TMEM150A: variants seen among roughly 807,000 people sequenced by gnomAD.
TMEM150A encodes fasting-inducible integral membrane protein TM6P1.
Under a neutral mutation model 29.8 loss-of-function variants are expected in TMEM150A, and 18 were observed. That is an observed-to-expected ratio of 0.60 (90% CI 0.42 to 0.90). The LOEUF (loss-of-function observed/expected upper bound fraction) is 0.90. Among genes scored for constraint, TMEM150A ranks in the 40% least tolerant of loss-of-function variants. TMEM150A has a pLI of 0.00. For missense variants in TMEM150A, 251 were observed against 349.7 expected (o/e 0.72, Z 2.25); for synonymous variants, 127 against 143.6 (o/e 0.88, Z 0.83).
chr2:85,600,558 T>C (rs1489564418), intron 4 of TMEM150A, 146 bp from the exon 5 acceptor site: 3 of 652,682 alleles, frequency 4.6e-6, no homozygotes, highest in African/African-American at 1.8e-5. Flanking sequence ...GGGTCCCTCA[T>C]GAACAACTGG....
At position 85,598,569 on chromosome 2, in the gene TMEM150A, A is replaced by AT. The variant is rs1672747965; in HGVS notation, c.*506dup. The AT allele has an allele frequency of 6.3e-6, 1 of 157,730 alleles. No homozygotes were observed. The highest frequency in any genetic ancestry group is 1.8e-4 in the South Asian group (1 of 5,506). 9.8% of individuals were successfully genotyped at this position (157,730 alleles called of 1,614,324 possible). A position where few individuals can be genotyped will look rare whatever the true frequency, so the allele number is the denominator to read the frequency against. Reference sequence around the variant, plus strand: ...ACATGCAAATTAGAATTCTTTTAATATAAAAAAAAGTACTAAAATACCCAC... The same window carrying AT: ...ACATGCAAATTAGAATTCTTTTAATATTAAAAAAAAGTACTAAAATACCCAC... On this transcript the variant is annotated 3_prime_UTR_variant, in exon 8 of 8. Transcript: ENST00000334462.
rs758391747 is a variant in TMEM150A, at chr2:85,601,871, C to T, written c.65+13G>A. ...AAGCTCCTGTTGCCCCCCGGGCACC[C>T]CCCTTTACTCACACAGTCCATATGC... On this transcript the variant is annotated intron_variant, in intron 2 of 7. Coordinates refer to ENST00000334462, the MANE Select transcript of TMEM150A (RefSeq NM_001031738.3). The surrounding 1 kb of genome is among the most constrained non-coding windows in gnomAD (Gnocchi z 4.0). 1.4e-5 allele frequency: 23 copies of T among 1,613,566 alleles called. No homozygotes were observed. Among genetic ancestry groups the T allele is most frequent in the Non-Finnish European group, 1.8e-5 (21 of 1,179,710 alleles).
At position 85,602,066 on chromosome 2, in the gene TMEM150A, T is replaced by C; in HGVS notation, c.-116-2A>G. 1 of 897,386 alleles carries C rather than the reference T, an allele frequency of 1.1e-6. No homozygotes were observed. The highest frequency in any genetic ancestry group is 1.8e-6 in the Non-Finnish European group (1 of 548,532). The allele number at this position is 897,386 out of a possible 1,614,324, so 55.6% of individuals were successfully genotyped here. ...GCCACAACCATCAGCTGTCCTGGCCTGGTGGAGAGAGATCAAAGTCCAGGA... is the reference window on the plus strand; with the variant it reads ...GCCACAACCATCAGCTGTCCTGGCCCGGTGGAGAGAGATCAAAGTCCAGGA... On this transcript the variant is annotated splice_acceptor_variant, in intron 1 of 7. Transcript: ENST00000334462. LOFTEE classifies it low-confidence loss of function (5UTR_SPLICE). This position sits in a 1 kb window ranked among gnomAD's most constrained non-coding sequence, Gnocchi z 5.6.
chr2:85,598,965 G>A lies in TMEM150A; in HGVS notation c.*111C>T. On this transcript the variant is annotated 3_prime_UTR_variant, in exon 8 of 8. Coordinates refer to ENST00000334462, the MANE Select transcript of TMEM150A (RefSeq NM_001031738.3). ...TGGCCACTTCTCCAGAAGTGAGGAA[G>A]CCCAGATCCCAACAGAATACTTTCT... 1 of 1,458,762 alleles carries A rather than the reference G, an allele frequency of 6.9e-7. No homozygotes were observed. The highest frequency in any genetic ancestry group is 9.2e-7 in the Non-Finnish European group (1 of 1,092,456). The allele number at this position is 1,458,762 out of a possible 1,614,324, so 90.4% of individuals were successfully genotyped here.
chr2:85,599,995 A>G lies in TMEM150A; in HGVS notation c.292T>C (p.Tyr98His). The G allele has an allele frequency of 6.2e-7, 1 of 1,612,952 alleles. No homozygotes were observed. The highest frequency in any genetic ancestry group is 8.5e-7 in the Non-Finnish European group (1 of 1,180,016). The change falls in exon 6 of 8, where the codon TAC becomes CAC. Residue 98 changes from tyrosine to histidine, a missense_variant. Physicochemically the swap from Tyr to His is moderately conservative, Grantham distance 83 (BLOSUM62 2). Coordinates refer to ENST00000334462, the MANE Select transcript of TMEM150A (RefSeq NM_001031738.3). The surrounding 1 kb of genome is among the most constrained non-coding windows in gnomAD (Gnocchi z 6.0). ...CGACTCTGCTCCAGGAGCTGCCCGTAGCGCAGGAGGCAGATCAGGGCCACT... is the reference window on the plus strand; with the variant it reads ...CGACTCTGCTCCAGGAGCTGCCCGTGGCGCAGGAGGCAGATCAGGGCCACT... ...FMVALICLLRYGQLLEQSRHS... is the reference protein window; with the variant it reads ...FMVALICLLRHGQLLEQSRHS...
chr2:85,600,088 C>A (rs1672850044), intron 5 of TMEM150A, 70 bp from the exon 6 acceptor site: 6 of 1,587,064 alleles, frequency 3.8e-6, no homozygotes, highest in Non-Finnish European at 4.3e-6. Context: ...GTCAGCTTCC[C>A]CCAGACGCTG....
chr2:85,599,116 G>T lies in TMEM150A; in HGVS notation c.776C>A (p.Thr259Asn), dbSNP rs774279140. Residue 259 changes from threonine (T) to asparagine (N), a missense_variant, in exon 8 of 8, where the codon ACC (threonine) becomes AAC (asparagine). Physicochemically the swap from Thr to Asn is moderately conservative, Grantham distance 65. Coordinates refer to ENST00000334462, the MANE Select transcript of TMEM150A (RefSeq NM_001031738.3). The surrounding 1 kb of genome is among the most constrained non-coding windows in gnomAD (Gnocchi z 6.0). ...CKSSGSSSTSTHLNCAPESIA... is the reference protein window; with the variant it reads ...CKSSGSSSTSNHLNCAPESIA... ...GCTCTCGGGGGCACAGTTGAGGTGG[G>T]TGGAGGTGCTGCTGCTCCCGGAGGA... The T allele has an allele frequency of 1.6e-4, 253 of 1,613,680 alleles. No homozygotes were observed. The highest frequency in any genetic ancestry group is 2.0e-4 in the Non-Finnish European group (234 of 1,180,018).
Position 85,601,400 on chromosome 2 carries a change from C to T in TMEM150A, c.113+35G>A. On this transcript the variant is annotated intron_variant, in intron 3 of 7. Transcript: ENST00000334462. The surrounding 1 kb of genome is among the most constrained non-coding windows in gnomAD (Gnocchi z 4.0). ...CAAGAGGGGACAGAGATGAAGGAAGCTTTAGAGCAAGGTTGTCTGCAGAGT... is the reference window on the plus strand; with the variant it reads ...CAAGAGGGGACAGAGATGAAGGAAGTTTTAGAGCAAGGTTGTCTGCAGAGT... 6.2e-7 allele frequency: 1 copy of T among 1,613,660 alleles called. No homozygotes were observed. The highest frequency in any genetic ancestry group is 8.5e-7 in the Non-Finnish European group (1 of 1,179,724).
rs752474631 is a variant in TMEM150A, at chr2:85,601,869, C to T, written c.65+15G>A. The T allele has an allele frequency of 2.5e-6, 4 of 1,612,566 alleles. No homozygotes were observed. Among genetic ancestry groups the T allele is most frequent in the African/African-American group, 1.3e-5 (1 of 74,880 alleles). On this transcript the variant is annotated intron_variant, in intron 2 of 7. Transcript: ENST00000334462. The surrounding 1 kb of genome is among the most constrained non-coding windows in gnomAD (Gnocchi z 4.0). Reference sequence around the variant, plus strand: ...TCAAGCTCCTGTTGCCCCCCGGGCACCCCCCTTTACTCACACAGTCCATAT... The same window carrying T: ...TCAAGCTCCTGTTGCCCCCCGGGCATCCCCCTTTACTCACACAGTCCATAT...
Position 85,599,744 on chromosome 2 carries a change from C to T in TMEM150A, c.397-42G>A, listed in dbSNP as rs573953231. ...GCCAGTTGGTGATGTGGCCATGGCCCCACCTCTCCACCCCTCCTTCAATGA... is the reference window on the plus strand; with the variant it reads ...GCCAGTTGGTGATGTGGCCATGGCCTCACCTCTCCACCCCTCCTTCAATGA... On this transcript the variant is annotated intron_variant, in intron 6 of 7. Transcript: ENST00000334462. This position sits in a 1 kb window ranked among gnomAD's most constrained non-coding sequence, Gnocchi z 6.0. 8 of 1,596,658 alleles carry T rather than the reference C, an allele frequency of 5.0e-6. No individual in the cohort carries two copies. The South Asian group carries it at 9.0e-5, about 18-fold the overall frequency.
At position 85,598,830 on chromosome 2, in the gene TMEM150A, G is replaced by A. The variant is rs1672762503; in HGVS notation, c.*246C>T. The A allele has an allele frequency of 3.9e-6, 2 of 516,800 alleles. No individual in the cohort carries two copies. Among genetic ancestry groups the A allele is most frequent in the Admixed American group, 6.6e-5 (2 of 30,508 alleles). The allele number at this position is 516,800 out of a possible 1,614,324, so 32.0% of individuals were successfully genotyped here. ...CACCTGAAGGGCTGGCTGGGTGAGT[G>A]AGGACAGGTGACCTTTAAAAACAAA... On this transcript the variant is annotated 3_prime_UTR_variant, in exon 8 of 8. Transcript: ENST00000334462.
Position 85,601,190 on chromosome 2 carries a change from T to C in TMEM150A, c.114-83A>G, listed in dbSNP as rs563190075. ...TATAGCCTCAGGCCTCAAAGAGGAC[T>C]CTCTCCCAGACCTCCCCTACAGGGA... On this transcript the variant is annotated intron_variant, in intron 3 of 7. Transcript: ENST00000334462. This position sits in a 1 kb window ranked among gnomAD's most constrained non-coding sequence, Gnocchi z 4.0. The C allele has an allele frequency of 7.3e-5, 104 of 1,428,616 alleles. No homozygotes were observed. Among genetic ancestry groups the C allele is most frequent in the Middle Eastern group, 2.3e-4 (1 of 4,376 alleles). 88.5% of individuals were successfully genotyped at this position (1,428,616 alleles called of 1,614,324 possible). A position where few individuals can be genotyped will look rare whatever the true frequency, so the allele number is the denominator to read the frequency against.
At position 85,600,930 on chromosome 2, in the gene TMEM150A, T is replaced by C. The variant is rs747805064; in HGVS notation, c.200+91A>G. The C allele has an allele frequency of 1.5e-5, 18 of 1,211,328 alleles. 1 individual carries two copies. Among genetic ancestry groups the C allele is most frequent in the South Asian group, 6.9e-5 (5 of 72,274 alleles). The allele number at this position is 1,211,328 out of a possible 1,614,324, so 75.0% of individuals were successfully genotyped here. A position where few individuals can be genotyped will look rare whatever the true frequency, so the allele number is the denominator to read the frequency against. On this transcript the variant is annotated intron_variant, in intron 4 of 7. Coordinates refer to ENST00000334462, the MANE Select transcript of TMEM150A (RefSeq NM_001031738.3). The stretch of plus-strand genomic sequence containing the variant: ...TATTAAGTGGCTCTTAGGATACTTA[T>C]TGTTCCTGAGACCCAAGGACAGCTC...
chr2:85,601,663 G>T lies in TMEM150A; in HGVS notation c.66-181C>A. On this transcript the variant is annotated intron_variant, in intron 2 of 7. Transcript: ENST00000334462. This position sits in a 1 kb window ranked among gnomAD's most constrained non-coding sequence, Gnocchi z 4.0. ...CACCTGCAGCATGCCCCCAGCTACA[G>T]GCCCTCTGGAAATTGCCCTGGCTAG... 1.2e-6 allele frequency: 1 copy of T among 842,042 alleles called. No individual in the cohort carries two copies. Among genetic ancestry groups the T allele is most frequent in the Non-Finnish European group, 1.9e-6 (1 of 529,252 alleles). 52.2% of individuals were successfully genotyped at this position (842,042 alleles called of 1,614,324 possible). A position where few individuals can be genotyped will look rare whatever the true frequency, so the allele number is the denominator to read the frequency against.
chr2:85,600,915 C>T (rs368480606), intron 4 of TMEM150A, 106 bp downstream of exon 4: 3 of 1,019,488 alleles, frequency 2.9e-6, no homozygotes, highest in Non-Finnish European at 4.3e-6. Flanking sequence ...TATTAAGTGG[C>T]TCTTAGGATA....
chr2:85,600,376 G>A lies in TMEM150A; in HGVS notation c.237C>T (p.Phe79=). 6.2e-7 allele frequency: 1 copy of A among 1,614,054 alleles called. No homozygotes were observed. Among genetic ancestry groups the A allele is most frequent in the Non-Finnish European group, 8.5e-7 (1 of 1,180,018 alleles). Residue 79 remains phenylalanine (F), a synonymous_variant, in exon 5 of 8, where the codon TTC becomes TTT. Coordinates refer to ENST00000334462, the MANE Select transcript of TMEM150A (RefSeq NM_001031738.3). ...AAGCACCCATGTTGCCAATGAGGCT[G>A]AAGAGGCAGCTTTCTGGGGGATAGG... ...CGSYPPESCL[F]SLIGNMGAFM...
rs2104086546 is a variant in TMEM150A, at chr2:85,599,887, G to A, written c.396+4C>T. ...TAAGGTTTGCAGGGGAGAAGGGGAA[G>A]CACCTGAAAGTTGCCAACCACCAAG... On this transcript the variant is annotated splice_donor_region_variant and intron_variant, in intron 6 of 7. Coordinates refer to ENST00000334462, the MANE Select transcript of TMEM150A (RefSeq NM_001031738.3). The surrounding 1 kb of genome is among the most constrained non-coding windows in gnomAD (Gnocchi z 6.0). 1 of 1,613,264 alleles carries A rather than the reference G, an allele frequency of 6.2e-7. No homozygotes were observed. Among genetic ancestry groups the A allele is most frequent in the East Asian group, 2.2e-5 (1 of 44,880 alleles).
Position 85,599,294 on chromosome 2 carries a change from TC to T in TMEM150A, c.597del (p.Ser200ValfsTer71). On this transcript the variant is annotated frameshift_variant, in exon 8 of 8. Transcript: ENST00000334462. LOFTEE classifies it high-confidence loss of function. The surrounding 1 kb of genome is among the most constrained non-coding windows in gnomAD (Gnocchi z 6.0). ...GCTGCCCCATGTTGCAGCTGAGAAC[TC>T]TCATGGACAAAGAAGACTCCACCTA... ...LVLSGVFFVH[E>X]SSQLQHGAAL... The T allele has an allele frequency of 6.2e-7, 1 of 1,613,818 alleles. No homozygotes were observed. The highest frequency in any genetic ancestry group is 8.5e-7 in the Non-Finnish European group (1 of 1,179,946).
Position 85,599,088 on chromosome 2 carries a change from G to A in TMEM150A, c.804C>T (p.Ile268=), listed in dbSNP as rs983525131. 1.1e-5 allele frequency: 17 copies of A among 1,613,422 alleles called. No individual in the cohort carries two copies. The highest frequency in any genetic ancestry group is 2.2e-5 in the South Asian group (2 of 91,052). Residue 268 remains isoleucine (I), a synonymous_variant, in exon 8 of 8, where the codon ATC becomes ATT. Coordinates refer to ENST00000334462, the MANE Select transcript of TMEM150A (RefSeq NM_001031738.3). The surrounding 1 kb of genome is among the most constrained non-coding windows in gnomAD (Gnocchi z 6.0). ...CCCTCCCCAGACCTTAGATCATAGC[G>A]ATGCTCTCGGGGGCACAGTTGAGGT... ...STHLNCAPES[I]AMI
Sources: gnomAD v4.1 joint callset for allele counts on GRCh38, gnomAD v4.1.1 for gene constraint, Gnocchi (gnomAD v3.1) non-coding constraint, MANE v1.5 for transcripts, NCBI Gene and HGNC (gene_info 2026-07-23, HGNC 2026-07-21) for gene names.